ATM: variants seen among roughly 807,000 people sequenced by gnomAD.
ATM encodes the protein ATM serine/threonine kinase.
A neutral mutation model predicts 387.0 loss-of-function variants in ATM; 308 were observed. That is an observed-to-expected ratio of 0.80 (90% confidence interval 0.73 to 0.87). ATM has a LOEUF of 0.87. Ranked by LOEUF, ATM falls within the 40% of genes least tolerant of loss-of-function variation. ATM has a pLI of 0.00. For missense variants in ATM, 3,312 were observed against 3,560.9 expected, an observed-to-expected ratio of 0.93 and a Z score of 1.78; for synonymous variants, 1,156 against 1,187.3, an observed-to-expected ratio of 0.97 and a Z score of 0.54.
chr11:108,335,183 C>T (rs781347980), intron 55 of ATM, 74 bp downstream of exon 55: 30 of 1,605,654 alleles, frequency 1.9e-5, no homozygotes, highest in Non-Finnish European at 2.5e-5. Context: ...TTTCTTTCTG[C>T]TTTATTTGGG....
At chr11:108,265,187 C>A (rs1373230940) in intron 16 of ATM, among the ~76,000 whole-genome samples, 1 of 151,642 alleles carries the variant, frequency 6.6e-6, no homozygotes, top group South Asian at 2.1e-4. Context: ...CAATCCTAAG[C>A]CAAAAGAACA....
rs1260671809 is a variant in ATM at position 108,229,056 on chromosome 11, G to C, written c.186-122G>C. On this transcript the variant is annotated intron_variant, in intron 3 of 62. Transcript: ENST00000675843. ...ATTGTTTTATTTGTTTTTTTCAGCT[G>C]ATGTAGTAATCTAAGCAAGGTGGTT... is the stretch of plus-strand genomic sequence containing the variant. 3.3e-6 allele frequency: 3 copies of C among 921,126 alleles called. No individual in the cohort carries two copies. In the East Asian group the frequency reaches 8.0e-5, roughly 25 times the overall value. 57.1% of individuals were successfully genotyped at this position (921,126 alleles called of 1,614,324 possible). A position where few individuals can be genotyped will look rare whatever the true frequency, so the allele number is the denominator to read the frequency against.
At chr11:108,258,937 A>G (rs771014099) in intron 15 of ATM, 49 bp from the exon 16 acceptor site, 1 of 1,466,410 alleles carries the variant, frequency 6.8e-7, no homozygotes, top group Non-Finnish European at 9.5e-7. Context: ...GCCAAGAATA[A>G]TTGTTTTTAT....
chr11:108,285,663 CA>C (rs1390756227), intron 26 of ATM, among the ~76,000 whole-genome samples: 1 of 151,598 alleles, frequency 6.6e-6, no homozygotes, highest in African/African-American at 2.4e-5. Flanking sequence ...AATGGAACAG[CA>C]AGTTCCTTAG....
Position 108,317,613 on chromosome 11 carries a change from TTTTATA to T in ATM, c.6347+94_6347+99del, listed in dbSNP as rs1357553904. On this transcript the variant is annotated intron_variant, in intron 43 of 62. Transcript: ENST00000675843. The stretch of plus-strand genomic sequence containing the variant: ...TCTTCTATGAATATAACAGGAGTTG[TTTTATA>T]TATATATATATATATATATATATAT... 152 of 270,316 alleles carry T rather than the reference TTTTATA, an allele frequency of 5.6e-4. No individual in the cohort carries two copies. The African/African-American group carries it at 9.8e-3, about 17-fold the overall frequency. The allele number at this position is 270,316 out of a possible 1,614,324, so 16.7% of individuals were successfully genotyped here. A position where few individuals can be genotyped will look rare whatever the true frequency, so the allele number is the denominator to read the frequency against.
rs1064794787 is a variant in ATM, at chr11:108,297,401, C to G, written c.5005+19C>G. The G allele has an allele frequency of 4.5e-6, 7 of 1,560,430 alleles. No individual in the cohort carries two copies. The highest frequency in any genetic ancestry group is 1.7e-5 in the Admixed American group (1 of 59,950). On this transcript the variant is annotated intron_variant, in intron 33 of 62. Transcript: ENST00000675843. The stretch of plus-strand genomic sequence containing the variant: ...GTTCTAGGTAAACTACAGTCATGCG[C>G]TGCGTGACATTTCAGTCAACTGCGG...
At chr11:108,229,475 ATTT>A (rs1342484013) in intron 4 of ATM, 152 bp downstream of exon 4, 14 of 747,672 alleles carry the variant, frequency 1.9e-5, no homozygotes, top group Non-Finnish European at 2.1e-6. Context: ...ACATATAATG[ATTT>A]TTATTTTTAT....
At chr11:108,362,831 G>A (rs2090938904) in intron 61 of ATM, among the ~76,000 whole-genome samples, 1 of 149,398 alleles carries the variant, frequency 6.7e-6, no homozygotes, top group Non-Finnish European at 1.5e-5. Context: ...GATAGCATTG[G>A]GAGATATACC....
chr11:108,262,375 T>G (rs367856796), intron 16 of ATM, among the ~76,000 whole-genome samples: 3,239 of 152,144 alleles, frequency 0.021, 87 homozygotes, highest in African/African-American at 0.067. Context: ...TTCATGTCCA[T>G]CCAAACTAAG....
chr11:108,227,631 CT>C lies in ATM; in HGVS notation c.8del (p.Leu3GlnfsTer13), dbSNP rs879254052. The C allele has an allele frequency of 2.5e-6, 4 of 1,613,470 alleles. No homozygotes were observed. In the African/African-American group the frequency reaches 5.3e-5, roughly 22 times the overall value. The stretch of plus-strand genomic sequence containing the variant: ...TGTTCTGAAATTGTGAACCATGAGT[CT>C]AGTACTTAATGATCTGCTTATCTGC... MSLVLNDLLICCR... is the reference protein window; with the variant it reads MSXVLNDLLICCR... On this transcript the variant is annotated frameshift_variant, in exon 2 of 63. Transcript: ENST00000675843. LOFTEE classifies it high-confidence loss of function.
chr11:108,288,388 A>G (rs561300536), intron 27 of ATM, among the ~76,000 whole-genome samples: 32 of 150,012 alleles, frequency 2.1e-4, no homozygotes, highest in African/African-American at 7.1e-4. Context: ...CCTTTTCTTT[A>G]TTGTGCGTTA....
At chr11:108,266,440 T>A (rs1353390790) in intron 16 of ATM, among the ~76,000 whole-genome samples, 4 of 139,524 alleles carry the variant, frequency 2.9e-5, no homozygotes, top group Non-Finnish European at 4.5e-5. Context: ...AACAATGAGA[T>A]CACATGGACA....
At chr11:108,261,473 A>T (rs200236151) in intron 16 of ATM, among the ~76,000 whole-genome samples, 3,256 of 152,162 alleles carry the variant, frequency 0.021, 87 homozygotes, top group African/African-American at 0.067. Context: ...CACACCAAAA[A>T]CCCATCTGTA....
chr11:108,274,875 C>T (rs942725685), intron 22 of ATM, among the ~76,000 whole-genome samples: 1 of 152,172 alleles, frequency 6.6e-6, no homozygotes, highest in African/African-American at 2.4e-5. Context: ...CTGTAGATGT[C>T]TGTTAGGTCT....
intron 5 of ATM, among the ~76,000 whole-genome samples, chr11:108,237,899 G>GTTTTTTTTTTTTTTTTTT (rs369161623): frequency 1.6e-4 from 15 of 92,028 alleles, no homozygotes; most frequent in Admixed American, 4.0e-4. Flanking sequence ...ATTTACTTAG[G>GTTTTTTTTTTTTTTTTTT]TTTTTTTTTT....
intron 16 of ATM, among the ~76,000 whole-genome samples, chr11:108,259,629 A>C (rs1404913799): frequency 6.6e-6 from 1 of 152,234 alleles, no homozygotes; most frequent in Non-Finnish European, 1.5e-5. Flanking sequence ...ATACATTTAA[A>C]AATTGGGAAC....
At chr11:108,286,654 T>A (rs2082509217) in intron 26 of ATM, among the ~76,000 whole-genome samples, 1 of 152,154 alleles carries the variant, frequency 6.6e-6, no homozygotes, top group Non-Finnish European at 1.5e-5. Context: ...TAGCCTCTTG[T>A]CCTTTTGTTA....
At chr11:108,261,581 C>T (rs2080891383) in intron 16 of ATM, among the ~76,000 whole-genome samples, 4 of 152,094 alleles carry the variant, frequency 2.6e-5, no homozygotes, top group Admixed American at 2.6e-4. Context: ...AGCGCCTCTC[C>T]TCCACCAAAG....
At chr11:108,244,662 TTAAGAC>T (rs2079742236) in intron 6 of ATM, 120 bp from the exon 7 acceptor site, 8 of 804,572 alleles carry the variant, frequency 9.9e-6, no homozygotes, top group Non-Finnish European at 1.7e-5. Context: ...AGTTTTGAAA[TTAAGAC>T]TACTGTTTGA....
Sources: allele counts gnomAD v4.1 joint callset (sites outside exome capture counted in the v4.1 genomes callset), GRCh38; gene constraint gnomAD v4.1.1; transcripts MANE v1.5; gene names NCBI Gene and HGNC (gene_info 2026-07-23, HGNC 2026-07-21).